Variants in AVPI1 observed in about 807,000 individuals in gnomAD.
The protein encoded by AVPI1 is arginine vasopressin-induced protein 1.
Under a neutral mutation model 11.9 loss-of-function variants are expected in AVPI1, and 9 were observed. The observed-to-expected ratio is 0.76, with a 90% confidence interval of 0.46 to 1.32. The LOEUF (loss-of-function observed/expected upper bound fraction) is 1.32, where lower values mean the gene tolerates loss of function less well. AVPI1 is among the 40% of genes most tolerant of loss of function. The pLI is 0.00. For missense variants in AVPI1, 207 were observed against 195.8 expected (o/e 1.06, Z -0.34); for synonymous variants, 68 against 78.1 (o/e 0.87, Z 0.68).
intron 1 of AVPI1, among the ~76,000 whole-genome samples, chr10:97,684,537 A>G (rs889917710): frequency 6.3e-5 from 8 of 126,316 alleles, no homozygotes; most frequent in African/African-American, 2.5e-4. Flanking sequence ...TCACTCTGTC[A>G]CCCACGCTGG....
chr10:97,679,522 C>T (rs2041691292), intron 2 of AVPI1, 97 bp downstream of exon 2: 12 of 1,413,296 alleles, frequency 8.5e-6, no homozygotes, highest in South Asian at 7.2e-5. Context: ...AGGCACTTTA[C>T]AGTGAGGCCA....
chr10:97,681,867 A>G (rs990197514), intron 1 of AVPI1, among the ~76,000 whole-genome samples: 2 of 148,014 alleles, frequency 1.4e-5, no homozygotes, highest in African/African-American at 4.9e-5. Flanking sequence ...CCTGGGCGAC[A>G]GAGCGAGACT....
At chr10:97,679,033 GCTGGTAAGCTGAGAATAACGGCA>G (rs1564780012) in intron 2 of AVPI1, among the ~76,000 whole-genome samples, 1 of 142,034 alleles carries the variant, frequency 7.0e-6, no homozygotes, top group East Asian at 2.3e-4. Flanking sequence ...TGTTGCCCAG[GCTGGTAAGCTGAGAATAACGGCA>G]GAATGAGGTG....
rs771021228 is a variant in AVPI1, at chr10:97,679,829, G to C, written c.77C>G (p.Ala26Gly). The stretch of plus-strand genomic sequence containing the variant: ...GGCGTCCTGGAAGATGTTGGCCGAG[G>C]CCTGCTTGCGGCCCCGGGCCTCAAT... ...APIEARGRKQ[A>G]SANIFQDAEL... is the part of the protein sequence containing the mutation. The change falls in exon 2 of 3, where the codon GCC (alanine) becomes GGC (glycine). Residue 26 changes from alanine (A) to glycine (G), a missense_variant. Transcript: ENST00000370626. 6 of 1,609,786 alleles carry C rather than the reference G, an allele frequency of 3.7e-6. No homozygotes were observed. Among genetic ancestry groups the C allele is most frequent in the South Asian group, 1.1e-5 (1 of 90,362 alleles).
intron 1 of AVPI1, among the ~76,000 whole-genome samples, chr10:97,683,218 T>TG (rs1348367179): frequency 6.6e-6 from 1 of 152,108 alleles, no homozygotes; most frequent in African/African-American, 2.4e-5. Context: ...AGTGCAGTGT[T>TG]GCAATCTCAG....
chr10:97,681,722 C>CAA (rs558647960), intron 1 of AVPI1, among the ~76,000 whole-genome samples: 14,722 of 131,704 alleles, frequency 0.11, 1,303 homozygotes, highest in Non-Finnish European at 0.15. Flanking sequence ...CTAAAAAATA[C>CAA]AAAAAATTAG....
In AVPI1 at chr10:97,677,772, A is replaced by C. The variant is rs1589941897; in HGVS notation, c.*97T>G. ...TGGCAGCAGCCTCTTGCTTTCATTTACCCCTTTGGGCTGCTTGCCTAAAGT... is the reference window on the plus strand; with the variant it reads ...TGGCAGCAGCCTCTTGCTTTCATTTCCCCCTTTGGGCTGCTTGCCTAAAGT... On this transcript the variant is annotated 3_prime_UTR_variant, in exon 3 of 3. Transcript: ENST00000370626. The C allele has an allele frequency of 6.9e-7, 1 of 1,452,672 alleles. No homozygotes were observed. The highest frequency in any genetic ancestry group is 1.4e-5 in the African/African-American group (1 of 70,998). The allele number at this position is 1,452,672 out of a possible 1,614,324, so 90.0% of individuals were successfully genotyped here.
chr10:97,680,903 A>G (rs959276063), intron 1 of AVPI1, among the ~76,000 whole-genome samples: 3 of 152,222 alleles, frequency 2.0e-5, no homozygotes, highest in African/African-American at 4.8e-5. Context: ...AACTTATAAG[A>G]AAGTTCAATA....
Position 97,679,825 on chromosome 10 carries a change from C to T in AVPI1, c.81G>A (p.Ser27=), listed in dbSNP as rs11556394. The T allele has an allele frequency of 5.6e-3, 8,967 of 1,611,024 alleles. 453 individuals are homozygous for T. In the African/African-American group the frequency reaches 0.1, roughly 18 times the overall value. The change falls in exon 2 of 3, where the codon TCG becomes TCA. Residue 27 remains serine (S), a synonymous_variant. Transcript: ENST00000370626. ...GCTCGGCGTCCTGGAAGATGTTGGC[C>T]GAGGCCTGCTTGCGGCCCCGGGCCT... ...PIEARGRKQA[S]ANIFQDAELL...
intron 1 of AVPI1, among the ~76,000 whole-genome samples, chr10:97,682,181 C>G (rs1379889693): frequency 1.3e-5 from 2 of 152,152 alleles, no homozygotes; most frequent in African/African-American, 4.8e-5. Flanking sequence ...ACCTTTGTAC[C>G]TGGGTCAGGG....
intron 1 of AVPI1, among the ~76,000 whole-genome samples, chr10:97,685,288 G>T (rs962614234): frequency 6.6e-6 from 1 of 152,266 alleles, no homozygotes; most frequent in South Asian, 2.1e-4. Context: ...AATAAGTGAA[G>T]AACTGTGGAA....
Position 97,679,604 on chromosome 10 carries a change from G to C in AVPI1, c.287+15C>G, listed in dbSNP as rs776619820. On this transcript the variant is annotated intron_variant, in intron 2 of 2. Coordinates refer to ENST00000370626, the MANE Select transcript of AVPI1 (RefSeq NM_021732.3). ...TTAGTGCTCTTCCCTCAGCCATCCG[G>C]TTCTAGGAACCTACCTGAGGCGGCT... 5.1e-5 allele frequency: 82 copies of C among 1,601,334 alleles called. No homozygotes were observed. Among genetic ancestry groups the C allele is most frequent in the Non-Finnish European group, 6.9e-5 (81 of 1,173,014 alleles).
chr10:97,687,146 C>T lies in AVPI1; in HGVS notation c.-391G>A, dbSNP rs1432093936. On this transcript the variant is annotated 5_prime_UTR_variant, in exon 1 of 3. Coordinates refer to ENST00000370626, the MANE Select transcript of AVPI1 (RefSeq NM_021732.3). ...TGCTTGAGGCAGGCCGCACGCAGCC[C>T]CAAACTGGTCCGGGCCACTTGGGTC... 2 of 152,398 alleles carry T rather than the reference C, an allele frequency of 1.3e-5. No homozygotes were observed. Among genetic ancestry groups the T allele is most frequent in the Non-Finnish European group, 2.9e-5 (2 of 68,168 alleles). 9.4% of individuals were successfully genotyped at this position (152,398 alleles called of 1,614,324 possible). A position where few individuals can be genotyped will look rare whatever the true frequency, so the allele number is the denominator to read the frequency against.
intron 1 of AVPI1, among the ~76,000 whole-genome samples, chr10:97,681,589 A>C (rs1027453352): frequency 6.6e-6 from 1 of 152,072 alleles, no homozygotes; most frequent in Non-Finnish European, 1.5e-5. Flanking sequence ...TCTTAAAAAA[A>C]AGAATACGGC....
intron 2 of AVPI1, among the ~76,000 whole-genome samples, chr10:97,678,251 TTTC>T (rs1283195703): frequency 6.6e-6 from 1 of 152,214 alleles, no homozygotes; most frequent in Admixed American, 6.5e-5. Context: ...AAACTCAACA[TTTC>T]TTCATCCTCA....
chr10:97,683,859 T>C (rs1027792993), intron 1 of AVPI1, among the ~76,000 whole-genome samples: 1 of 152,256 alleles, frequency 6.6e-6, no homozygotes, highest in Non-Finnish European at 1.5e-5. Context: ...ACATCCCCTC[T>C]GTGGGTCAGC....
chr10:97,683,167 T>A (rs114106004), intron 1 of AVPI1, among the ~76,000 whole-genome samples: 2,086 of 152,250 alleles, frequency 0.014, 43 homozygotes, highest in African/African-American at 0.047. Context: ...TATTTTTATT[T>A]TTTTTTTGAG....
intron 2 of AVPI1, among the ~76,000 whole-genome samples, chr10:97,679,023 T>A (rs1038023127): frequency 6.7e-6 from 1 of 148,552 alleles, no homozygotes; most frequent in Non-Finnish European, 1.5e-5. Flanking sequence ...GATCTCGCCA[T>A]GTTGCCCAGG....
chr10:97,684,582 C>A (rs1168140343), intron 1 of AVPI1, among the ~76,000 whole-genome samples: 1 of 150,146 alleles, frequency 6.7e-6, no homozygotes, highest in Admixed American at 6.7e-5. Flanking sequence ...ACTGCAACCT[C>A]TGCCTCCAAG....
Sources: allele counts gnomAD v4.1 joint callset (sites outside exome capture counted in the v4.1 genomes callset), GRCh38; gene constraint gnomAD v4.1.1; transcripts MANE v1.5; gene names NCBI Gene and HGNC (gene_info 2026-07-23, HGNC 2026-07-21).